MOB3B: variants seen among roughly 807,000 people sequenced by gnomAD.
MOB3B encodes the protein MOB kinase activator 3B, also known as MOB kinase activator-like 2B.
Under a neutral mutation model 18.7 loss-of-function variants are expected in MOB3B, and 7 were observed. The observed-to-expected ratio is 0.37, with a 90% CI of 0.21 to 0.70. The LOEUF (loss-of-function observed/expected upper bound fraction) is 0.70, where lower values mean the gene tolerates loss of function less well. Ranked by LOEUF, MOB3B falls within the 30% of genes least tolerant of loss-of-function variation. MOB3B has a pLI of 0.52. For synonymous variants in MOB3B, 111 were observed against 99.9 expected, an observed-to-expected ratio of 1.11 and a Z score of -0.66; for missense variants, 253 against 281.3, an observed-to-expected ratio of 0.90 and a Z score of 0.72.
At chr9:27,332,565 T>C (rs2131330254) in intron 3 of MOB3B, among the ~76,000 whole-genome samples, 1 of 152,302 alleles carries the variant, frequency 6.6e-6, no homozygotes, top group Non-Finnish European at 1.5e-5. Context: ...CAGGGAACTA[T>C]GACCTCCAAT....
intron 1 of MOB3B, among the ~76,000 whole-genome samples, chr9:27,480,059 TAAA>T (rs35766164): frequency 2.2e-5 from 3 of 136,582 alleles, no homozygotes; most frequent in Admixed American, 7.3e-5. Context: ...ACTGTCTCTT[TAAA>T]AAAAAAAAAA....
intron 1 of MOB3B, chr9:27,524,417 C>T (rs779214416): frequency 1.9e-6 from 3 of 1,614,030 alleles, no homozygotes; most frequent in South Asian, 2.2e-5. Context: ...GCACCCTATC[C>T]CTGGACTGTA....
At chr9:27,406,837 CT>C (rs1309350072) in intron 2 of MOB3B, among the ~76,000 whole-genome samples, 3 of 151,552 alleles carry the variant, frequency 2.0e-5, no homozygotes, top group Admixed American at 6.6e-5. Context: ...GCCAAGATTT[CT>C]TTTTTTCTTT....
intron 1 of MOB3B, among the ~76,000 whole-genome samples, chr9:27,457,898 A>T (rs972967374): frequency 6.6e-6 from 1 of 152,210 alleles, no homozygotes; most frequent in Admixed American, 6.5e-5. Context: ...CTTTTCCTAA[A>T]GAATACCTTC....
At chr9:27,465,843 G>T (rs1819375390) in intron 1 of MOB3B, among the ~76,000 whole-genome samples, 1 of 152,196 alleles carries the variant, frequency 6.6e-6, no homozygotes, top group African/African-American at 2.4e-5. Flanking sequence ...AGCTGGAATG[G>T]CTGGGACACA....
chr9:27,364,859 C>T (rs899559370), intron 2 of MOB3B, among the ~76,000 whole-genome samples: 4 of 152,174 alleles, frequency 2.6e-5, no homozygotes, highest in Non-Finnish European at 5.9e-5. Flanking sequence ...TATTTATTTT[C>T]ATGATAGCAG....
intron 1 of MOB3B, chr9:27,525,077 G>A (rs1336452088): frequency 8.1e-6 from 7 of 865,906 alleles, no homozygotes; most frequent in Admixed American, 6.0e-5. Flanking sequence ...CAGTTGGACT[G>A]GTAGCCTCGG....
chr9:27,434,514 A>G (rs952388549), intron 2 of MOB3B, among the ~76,000 whole-genome samples: 1 of 152,102 alleles, frequency 6.6e-6, no homozygotes, highest in Non-Finnish European at 1.5e-5. Context: ...TATACGGCCC[A>G]GCCAAGACCT....
intron 2 of MOB3B, among the ~76,000 whole-genome samples, chr9:27,433,596 T>C (rs1822449173): frequency 6.6e-6 from 1 of 152,158 alleles, no homozygotes; most frequent in African/African-American, 2.4e-5. Flanking sequence ...CCTACAAAGC[T>C]CCATCTCCAC....
rs979905751 is a variant in MOB3B at position 27,455,682 on chromosome 9, A to T, written c.-132T>A. 17 of 1,519,268 alleles carry T rather than the reference A, an allele frequency of 1.1e-5. No homozygotes were observed. The highest frequency in any genetic ancestry group is 1.5e-5 in the Non-Finnish European group (17 of 1,146,344). The allele number at this position is 1,519,268 out of a possible 1,614,324, so 94.1% of individuals were successfully genotyped here. The stretch of plus-strand genomic sequence containing the variant: ...CCCAGTCTTACAGCCTGTAGCTTTT[A>T]AGCTCTTCTAAACAGCCCCTTCCAT... On this transcript the variant is annotated 5_prime_UTR_variant, in exon 2 of 4. Coordinates refer to ENST00000262244, the MANE Select transcript of MOB3B (RefSeq NM_024761.5).
intron 2 of MOB3B, among the ~76,000 whole-genome samples, chr9:27,403,356 G>A (rs1821913605): frequency 1.3e-5 from 2 of 152,066 alleles, no homozygotes; most frequent in African/African-American, 4.8e-5. Flanking sequence ...TTACACTTAG[G>A]AGAAAGTCAG....
intron 1 of MOB3B, among the ~76,000 whole-genome samples, chr9:27,517,504 C>G (rs901154925): frequency 6.6e-6 from 1 of 151,502 alleles, no homozygotes; most frequent in Admixed American, 6.6e-5. Context: ...AAAAATTAGC[C>G]GGGCGTAGTG....
intron 3 of MOB3B, among the ~76,000 whole-genome samples, chr9:27,349,543 TACTG>T (rs1332882784): frequency 6.6e-6 from 1 of 152,336 alleles, no homozygotes; most frequent in South Asian, 2.1e-4. Flanking sequence ...CATCAAGCCA[TACTG>T]ACTATTTACA....
At chr9:27,381,237 C>A (rs1183149299) in intron 2 of MOB3B, among the ~76,000 whole-genome samples, 1 of 151,832 alleles carries the variant, frequency 6.6e-6, no homozygotes, top group Non-Finnish European at 1.5e-5. Flanking sequence ...AAAATCCTGG[C>A]CTAGGTAATT....
At chr9:27,426,373 G>C (rs1180421326) in intron 2 of MOB3B, among the ~76,000 whole-genome samples, 1 of 152,220 alleles carries the variant, frequency 6.6e-6, no homozygotes, top group Non-Finnish European at 1.5e-5. Context: ...GAACAGGAAG[G>C]TATAGTGTTG....
rs1022981899 is a variant in MOB3B at position 27,326,779 on chromosome 9, C to T, written c.*3808G>A. 8 of 394,396 alleles carry T rather than the reference C, an allele frequency of 2.0e-5. No homozygotes were observed. The highest frequency in any genetic ancestry group is 1.4e-4 in the South Asian group (1 of 6,972). 24.4% of individuals were successfully genotyped at this position (394,396 alleles called of 1,614,324 possible). A position where few individuals can be genotyped will look rare whatever the true frequency, so the allele number is the denominator to read the frequency against. On this transcript the variant is annotated 3_prime_UTR_variant, in exon 4 of 4. Coordinates refer to ENST00000262244, the MANE Select transcript of MOB3B (RefSeq NM_024761.5). ...TAGATCAGTATTTCTCAATTACAGC[C>T]GTGTAAGACATTTTCTTCCTAATCA...
At chr9:27,415,848 G>A (rs1001447101) in intron 2 of MOB3B, among the ~76,000 whole-genome samples, 1 of 152,146 alleles carries the variant, frequency 6.6e-6, no homozygotes, top group African/African-American at 2.4e-5. Context: ...CATCACATCT[G>A]GTTCTAAACT....
intron 2 of MOB3B, among the ~76,000 whole-genome samples, chr9:27,441,100 C>T (rs1822588588): frequency 6.6e-6 from 1 of 152,122 alleles, no homozygotes; most frequent in Non-Finnish European, 1.5e-5. Flanking sequence ...AGCAGTAATT[C>T]TCCATTACTG....
intron 1 of MOB3B, among the ~76,000 whole-genome samples, chr9:27,513,436 CTT>C (rs1429062886): frequency 6.6e-6 from 1 of 152,176 alleles, no homozygotes; most frequent in Non-Finnish European, 1.5e-5. Flanking sequence ...ATACCACTCT[CTT>C]GTTTGAAACT....
Sources: allele counts gnomAD v4.1 joint callset (sites outside exome capture counted in the v4.1 genomes callset), GRCh38; gene constraint gnomAD v4.1.1; transcripts MANE v1.5; gene names NCBI Gene and HGNC (gene_info 2026-07-23, HGNC 2026-07-21).